The following SRP19 variants were observed in gnomAD, a reference collection of about 807,000 sequenced individuals.
The protein encoded by SRP19 is signal recognition particle 19.
A neutral mutation model predicts 22.4 loss-of-function variants in SRP19; 11 were observed. The observed-to-expected ratio is 0.49, with a 90% CI of 0.31 to 0.81. The LOEUF (loss-of-function observed/expected upper bound fraction) is 0.81. SRP19 is among the 40% of genes least tolerant of loss of function. The pLI, the probability that SRP19 is intolerant of heterozygous loss-of-function variation, is 0.05. For synonymous variants in SRP19, 61 were observed against 57.6 expected (o/e 1.06, Z -0.27); for missense variants, 168 against 175.9 (o/e 0.96, Z 0.25).
At chr5:112,876,869 C>CTAAT in intron 4 of SRP19, 1 of 152,034 alleles carries the variant, frequency 6.6e-6, no homozygotes, top group East Asian at 1.9e-4. Context: ...TATTTTAAAA[C>CTAAT]TAATTTTAGC....
At chr5:112,896,090 A>T (rs930464617), downstream of SRP19, 1 of 152,674 alleles carries the variant, frequency 6.5e-6, no homozygotes, top group African/African-American at 2.4e-5. Context: ...ACTGAGAGTT[A>T]ATGTCAGAAG....
downstream of SRP19, chr5:112,894,124 GT>G (rs199564515): frequency 0.44 from 62,095 of 141,782 alleles, 14,134 homozygotes; most frequent in African/African-American, 0.65. Context: ...GGTTTTTTTT[GT>G]TTTTTTTTTT....
chr5:112,875,126 G>A (rs1470000161), intron 4 of SRP19, among the ~76,000 whole-genome samples: 1 of 152,154 alleles, frequency 6.6e-6, no homozygotes, highest in Non-Finnish European at 1.5e-5. Flanking sequence ...ACTCTTAAAT[G>A]TGTATGTTGT....
At chr5:112,878,878 T>C (rs775205549) in intron 4 of SRP19, 1 of 1,613,470 alleles carries the variant, frequency 6.2e-7, no homozygotes. Context: ...ATCAAAGCTC[T>C]TTCTTTGGAA....
intron 4 of SRP19, chr5:112,878,735 A>G: frequency 6.2e-7 from 1 of 1,606,790 alleles, no homozygotes; most frequent in Non-Finnish European, 8.5e-7. Flanking sequence ...TATAACATCA[A>G]GCTCCAGTAG....
downstream of SRP19, chr5:112,897,030 T>G (rs1416975467): frequency 2.6e-5 from 4 of 152,222 alleles, no homozygotes; most frequent in African/African-American, 9.6e-5. Flanking sequence ...ACAAATGTCC[T>G]CAATGTCTTT....
At chr5:112,892,961 G>A (rs768335766) in exon 5 of SRP19, 54 of 1,595,028 alleles carry the variant, frequency 3.4e-5, no homozygotes, top group Non-Finnish European at 4.4e-5. Context: ...CAGGGCCGCC[G>A]GAGCCAGAGC....
exon 5 of SRP19, chr5:112,892,757 G>T: frequency 6.2e-7 from 1 of 1,613,956 alleles, no homozygotes. Flanking sequence ...GAGAAGATGG[G>T]CCACCACGAC....
rs59063648 is a variant in SRP19 at position 112,862,650 on chromosome 5, A to T, written c.117+67A>T. ...GGGTGTCATCCTGGTCGGGCCACGT[A>T]ATCTTGTTAGAGCCGCAGGGGGTTC... On this transcript the variant is annotated intron_variant, in intron 2 of 4. Transcript: ENST00000505459. 1.4e-3 allele frequency: 2,041 copies of T among 1,432,444 alleles called. 23 individuals carry two copies. The African/African-American group carries it at 0.025, about 18-fold the overall frequency. 88.7% of individuals were successfully genotyped at this position (1,432,444 alleles called of 1,614,324 possible). A position where few individuals can be genotyped will look rare whatever the true frequency, so the allele number is the denominator to read the frequency against.
At chr5:112,879,947 C>T (rs1339407600) in intron 4 of SRP19, among the ~76,000 whole-genome samples, 1 of 151,600 alleles carries the variant, frequency 6.6e-6, no homozygotes, top group Non-Finnish European at 1.5e-5. Flanking sequence ...ATTTTAAAAG[C>T]CCATCTCTAG....
chr5:112,874,149 G>T (rs180915763), downstream of SRP19, among the ~76,000 whole-genome samples: 1 of 152,316 alleles, frequency 6.6e-6, no homozygotes, highest in Admixed American at 6.5e-5. Context: ...CTGGGTGACA[G>T]AGTGAGTCCT....
chr5:112,864,297 G>T, intron 2 of SRP19, 160 bp from the exon 3 acceptor site: 1 of 623,944 alleles, frequency 1.6e-6, no homozygotes. Context: ...TTATTCCTAG[G>T]AATTTTTAAA....
intron 4 of SRP19, among the ~76,000 whole-genome samples, chr5:112,866,712 A>T (rs1170021317): frequency 6.6e-6 from 1 of 152,236 alleles, no homozygotes; most frequent in African/African-American, 2.4e-5. Flanking sequence ...CTAAGGAGTG[A>T]CATCATATTC....
downstream of SRP19, among the ~76,000 whole-genome samples, chr5:112,874,776 A>ATTT (rs34164046): frequency 7.4e-6 from 1 of 134,724 alleles, no homozygotes; most frequent in Non-Finnish European, 1.6e-5. Context: ...ATGTGCGCCA[A>ATTT]TTTTTTTTTT....
In SRP19 at chr5:112,867,431, A is replaced by C; in HGVS notation, c.329A>C (p.Glu110Ala). 1.2e-6 allele frequency: 2 copies of C among 1,614,080 alleles called. No individual in the cohort carries two copies. Among genetic ancestry groups the C allele is most frequent in the Non-Finnish European group, 1.7e-6 (2 of 1,179,962 alleles). Residue 110 changes from glutamate to alanine, a missense_variant, in exon 5 of 5, where the codon GAA becomes GCA. Physicochemically the swap from Glu to Ala is moderately radical, Grantham distance 107. Coordinates refer to ENST00000505459, the MANE Select transcript of SRP19 (RefSeq NM_003135.3). Reference sequence around the variant, plus strand: ...AAGTCAGTAATGTTGTATGCAGCAGAAATGATACCTAAACTAAAAACAAGG... The same window carrying C: ...AAGTCAGTAATGTTGTATGCAGCAGCAATGATACCTAAACTAAAAACAAGG... ...SRKSVMLYAA[E>A]MIPKLKTRTQ... is the part of the protein sequence containing the mutation.
chr5:112,884,490 G>C (rs1768171008), intron 4 of SRP19, among the ~76,000 whole-genome samples: 1 of 150,762 alleles, frequency 6.6e-6, no homozygotes, highest in African/African-American at 2.5e-5. Flanking sequence ...TGATCCTCCT[G>C]CCTCAGCCTC....
chr5:112,862,720 G>T (rs1184449763), intron 2 of SRP19, 137 bp downstream of exon 2: 8 of 736,552 alleles, frequency 1.1e-5, no homozygotes, highest in African/African-American at 1.1e-4. Flanking sequence ...GCCAAGAATT[G>T]GGGTGCGTTC....
chr5:112,861,688 T>TA (rs1486084625), intron 1 of SRP19, among the ~76,000 whole-genome samples: 1 of 152,258 alleles, frequency 6.6e-6, no homozygotes, highest in Non-Finnish European at 1.5e-5. Context: ...GTGGACATGA[T>TA]ATCAAGTAAT....
At chr5:112,875,366 T>G (rs76649683) in intron 4 of SRP19, among the ~76,000 whole-genome samples, 10,108 of 116,770 alleles carry the variant, frequency 0.087, 399 homozygotes, top group South Asian at 0.21. Flanking sequence ...TTTGTTTTTG[T>G]TTTTGGTTTT....
Sources: gnomAD v4.1 joint callset for allele counts (sites outside exome capture counted in the v4.1 genomes callset) on GRCh38, gnomAD v4.1.1 for gene constraint, MANE v1.5 for transcripts, NCBI Gene and HGNC (gene_info 2026-07-23, HGNC 2026-07-21) for gene names.